MCF2: variants seen among roughly 807,000 people sequenced by gnomAD.
MCF2 encodes the protein MCF.2 cell line derived transforming sequence.
In MCF2, 44 loss-of-function variants were observed where a neutral mutation model predicts 82.5. The ratio of observed to expected loss-of-function variants is 0.53; its 90% CI spans 0.42 to 0.69. The LOEUF (loss-of-function observed/expected upper bound fraction) is 0.69. Ranked by LOEUF, MCF2 falls within the 30% of genes least tolerant of loss-of-function variation. MCF2 has a pLI of 0.00. For missense variants in MCF2, 623 were observed against 663.1 expected (o/e 0.94, Z 0.66); for synonymous variants, 217 against 224.9 (o/e 0.96, Z 0.32).
chrX:139,618,297 G>A (rs1314420286), intron 7 of MCF2, among the ~76,000 whole-genome samples: 1 of 110,592 alleles, frequency 9.0e-6, no homozygotes, highest in Non-Finnish European at 1.9e-5. Flanking sequence ...CACAGAATGA[G>A]GAAATGACTG....
chrX:139,682,108 G>A (rs1227201984), intron 1 of MCF2, among the ~76,000 whole-genome samples: 2 of 111,225 alleles, frequency 1.8e-5, no homozygotes, highest in African/African-American at 6.5e-5. Context: ...GGGAAGAACC[G>A]AGAAAAGAGA....
chrX:139,606,504 C>T (rs919957906), intron 12 of MCF2, among the ~76,000 whole-genome samples: 6 of 110,539 alleles, frequency 5.4e-5, no homozygotes, highest in Admixed American at 9.7e-5. Flanking sequence ...ATTATAGGCG[C>T]TCACCACCAC....
intron 1 of MCF2, among the ~76,000 whole-genome samples, chrX:139,675,546 T>C (rs1934840282): frequency 8.9e-6 from 1 of 112,585 alleles, no homozygotes; most frequent in African/African-American, 3.2e-5. Context: ...GTTTTCCTTC[T>C]AAGACTCAGG....
At chrX:139,633,132 A>G (rs1355523937) in intron 1 of MCF2, among the ~76,000 whole-genome samples, 2 of 111,621 alleles carry the variant, frequency 1.8e-5, no homozygotes, top group Non-Finnish European at 3.8e-5. Flanking sequence ...GAGACATAGG[A>G]AGGTCAAAAA....
intron 6 of MCF2, among the ~76,000 whole-genome samples, chrX:139,625,456 A>G (rs1381954645): frequency 1.8e-5 from 2 of 111,511 alleles, no homozygotes; most frequent in Non-Finnish European, 3.8e-5. Flanking sequence ...CCCCGCGTCC[A>G]GAGTACAGTG....
intron 17 of MCF2, among the ~76,000 whole-genome samples, 161 bp downstream of exon 21, chrX:139,598,245 G>C (rs994501851): frequency 8.9e-6 from 1 of 112,147 alleles, no homozygotes; most frequent in Admixed American, 9.5e-5. Context: ...TGTAGCCACA[G>C]TGAATTGATG....
chrX:139,668,263 A>G (rs1446275734), intron 1 of MCF2, among the ~76,000 whole-genome samples: 1 of 111,644 alleles, frequency 9.0e-6, no homozygotes, highest in Non-Finnish European at 1.9e-5. Flanking sequence ...TCCAGCAGCA[A>G]TAACACCTCA....
At chrX:139,692,054 G>A (rs1056606748) in intron 1 of MCF2, 2 of 1,166,252 alleles carry the variant, frequency 1.7e-6, no homozygotes, top group Admixed American at 5.1e-5. Context: ...AGCCATCTGG[G>A]TTCTGGGGCA....
intron 19 of MCF2, among the ~76,000 whole-genome samples, chrX:139,590,984 C>A (rs1043259429): frequency 9.0e-6 from 1 of 111,496 alleles, no homozygotes; most frequent in African/African-American, 3.3e-5. Flanking sequence ...CTCCATCATT[C>A]CAACTAACCT....
chrX:139,684,378 G>T (rs1415609785), intron 1 of MCF2, among the ~76,000 whole-genome samples: 1 of 111,941 alleles, frequency 8.9e-6, no homozygotes, highest in East Asian at 2.8e-4. Flanking sequence ...GTTGATGGTG[G>T]GAATGTAAAA....
intron 1 of MCF2, chrX:139,692,203 C>A: frequency 1.2e-6 from 1 of 832,879 alleles, no homozygotes. Context: ...GAGAGCCGGG[C>A]AGGGCCGCTA....
At chrX:139,664,083 C>T (rs756204544) in intron 1 of MCF2, among the ~76,000 whole-genome samples, 1 of 110,714 alleles carries the variant, frequency 9.0e-6, no homozygotes, top group African/African-American at 3.3e-5. Flanking sequence ...CGGCTCACTG[C>T]AACCTCTGCC....
At chrX:139,619,082 A>C (rs935798699) in intron 7 of MCF2, among the ~76,000 whole-genome samples, 4 of 111,299 alleles carry the variant, frequency 3.6e-5, no homozygotes, top group Non-Finnish European at 7.6e-5. Context: ...TGGGCATTTA[A>C]GGAATTATGT....
chrX:139,602,306 G>T, intron 16 of MCF2, 100 bp downstream of exon 20: 1 of 647,729 alleles, frequency 1.5e-6, no homozygotes, highest in Non-Finnish European at 2.5e-6. Flanking sequence ...ATACGTATAT[G>T]CACATGTAAC....
At chrX:139,678,280 T>C (rs1934919870) in intron 1 of MCF2, among the ~76,000 whole-genome samples, 1 of 112,128 alleles carries the variant, frequency 8.9e-6, no homozygotes, top group South Asian at 3.7e-4. Context: ...ATAATAGCAG[T>C]TACCCCTGGG....
At chrX:139,665,882 A>G (rs973292367) in intron 1 of MCF2, among the ~76,000 whole-genome samples, 6 of 90,214 alleles carry the variant, frequency 6.7e-5, no homozygotes, top group Non-Finnish European at 1.3e-4. Flanking sequence ...TTATGGGTAC[A>G]TGGTAGGTGT....
chrX:139,583,491 A>T (rs1443549642), intron 24 of MCF2, among the ~76,000 whole-genome samples: 1 of 111,650 alleles, frequency 9.0e-6, no homozygotes, highest in Non-Finnish European at 1.9e-5. Flanking sequence ...AAGCAAATTA[A>T]CGCAGGAACA....
At chrX:139,586,442 T>A in exon 23 of MCF2, 1 of 1,210,266 alleles carries the variant, frequency 8.3e-7, no homozygotes, top group Non-Finnish European at 1.1e-6. Flanking sequence ...TGCTGGTGTG[T>A]TCCAATTCAG....
At chrX:139,637,231 G>A (rs980598094) in intron 1 of MCF2, among the ~76,000 whole-genome samples, 3 of 111,777 alleles carry the variant, frequency 2.7e-5, no homozygotes, top group African/African-American at 9.8e-5. Flanking sequence ...TAACTTGTAG[G>A]CAATAGCTAC....
Sources: gnomAD v4.1 joint callset for allele counts (sites outside exome capture counted in the v4.1 genomes callset) on GRCh38, gnomAD v4.1.1 for gene constraint, MANE v1.5 for transcripts, NCBI Gene and HGNC (gene_info 2026-07-23, HGNC 2026-07-21) for gene names.